The following DMAC2L variants were observed in gnomAD, a reference collection of about 807,000 sequenced individuals.
The protein encoded by DMAC2L is distal membrane arm assembly component 2 like, also known as ATP synthase subunit s, mitochondrial.
A neutral mutation model predicts 22.5 loss-of-function variants in DMAC2L; 21 were observed. The observed-to-expected ratio is 0.93, with a 90% CI of 0.66 to 1.34. The LOEUF (loss-of-function observed/expected upper bound fraction) is 1.34, where lower values mean the gene tolerates loss of function less well. DMAC2L is among the 40% of genes most tolerant of loss of function. The pLI is 0.00. For synonymous variants in DMAC2L, 86 were observed against 89.5 expected (o/e 0.96, Z 0.22); for missense variants, 239 against 246.5 (o/e 0.97, Z 0.20).
intron 2 of DMAC2L, among the ~76,000 whole-genome samples, chr14:50,316,676 T>C (rs1453753189): frequency 6.6e-6 from 1 of 152,198 alleles, no homozygotes; most frequent in Non-Finnish European, 1.5e-5. Flanking sequence ...TATATGTTTG[T>C]TTGTTTTGTT....
At chr14:50,325,010 A>AAG (rs2032605563) in intron 5 of DMAC2L, among the ~76,000 whole-genome samples, 1 of 152,142 alleles carries the variant, frequency 6.6e-6, no homozygotes, top group African/African-American at 2.4e-5. Flanking sequence ...TCCTGAACTC[A>AAG]TGATCCGCCC....
chr14:50,322,383 A>AATAG, intron 3 of DMAC2L, 128 bp from the exon 4 acceptor site: 1 of 995,868 alleles, frequency 1.0e-6, no homozygotes, highest in South Asian at 2.4e-5. Context: ...GGATCTCACT[A>AATAG]ATTTATCTTC....
chr14:50,315,810 A>T (rs2031747003), intron 2 of DMAC2L, among the ~76,000 whole-genome samples: 1 of 151,762 alleles, frequency 6.6e-6, no homozygotes, highest in Non-Finnish European at 1.5e-5. Context: ...TCATTGATTG[A>T]TGGGCATTTG....
intron 1 of DMAC2L, 73 bp downstream of exon 1, chr14:50,312,462 A>C (rs1457145786): frequency 2.2e-6 from 1 of 455,002 alleles, no homozygotes; most frequent in East Asian, 4.4e-5. Context: ...GCCCGTCGCC[A>C]ACGCTGGGCT....
chr14:50,325,639 TC>T lies in DMAC2L; in HGVS notation c.521del (p.Pro174LeufsTer3), dbSNP rs765080242. Reference sequence around the variant, plus strand: ...TCAAATATTTGTTGTTAAGTGATCTTCCTGGAGTAAGAGAAAAAGAAAATCT... The same window carrying T: ...TCAAATATTTGTTGTTAAGTGATCTTCTGGAGTAAGAGAAAAAGAAAATCT... ...NLKYLLLSDL[P>X]GVREKENLVQ... On this transcript the variant is annotated frameshift_variant, in exon 6 of 6. Transcript: ENST00000557421. LOFTEE classifies it high-confidence loss of function. The T allele has an allele frequency of 5.0e-6, 8 of 1,612,554 alleles. No individual in the cohort carries two copies. In the Admixed American group the frequency reaches 5.0e-5, roughly 10 times the overall value.
chr14:50,312,037 A>G (rs969933626), upstream of DMAC2L: 2 of 1,581,400 alleles, frequency 1.3e-6, no homozygotes, highest in Non-Finnish European at 1.7e-6. Context: ...GGCTACCTCC[A>G]CACAGCGGTC....
At chr14:50,313,907 C>T (rs767450775) in intron 1 of DMAC2L, among the ~76,000 whole-genome samples, 3 of 152,184 alleles carry the variant, frequency 2.0e-5, no homozygotes, top group South Asian at 2.1e-4. Flanking sequence ...CCCACCCAAT[C>T]TATTCTCTGT....
Position 50,325,628 on chromosome 14 carries a change from T to A in DMAC2L, c.508T>A (p.Leu170Ile), listed in dbSNP as rs780718974. ...RHLRNLKYLLLSDLPGVREKE... is the reference protein window; with the variant it reads ...RHLRNLKYLLISDLPGVREKE... The stretch of plus-strand genomic sequence containing the variant: ...TTGCAGAAACCTCAAATATTTGTTG[T>A]TAAGTGATCTTCCTGGAGTAAGAGA... The change falls in exon 6 of 6, where the codon TTA becomes ATA. Residue 170 changes from leucine (L) to isoleucine (I), a missense_variant. By Grantham distance (5) the Leu-to-Ile change is conservative (BLOSUM62 2). Coordinates refer to ENST00000557421, the MANE Select transcript of DMAC2L (RefSeq NM_001382507.1). 1.9e-6 allele frequency: 3 copies of A among 1,611,124 alleles called. No individual in the cohort carries two copies. The highest frequency in any genetic ancestry group is 2.5e-6 in the Non-Finnish European group (3 of 1,178,556).
At chr14:50,318,992 G>A (rs1312110795) in intron 2 of DMAC2L, 14 of 981,542 alleles carry the variant, frequency 1.4e-5, no homozygotes, top group Non-Finnish European at 1.7e-5. Flanking sequence ...ACTAAGTATA[G>A]CAGACATTCA....
At position 50,326,451 on chromosome 14, in the gene DMAC2L, C is replaced by T; in HGVS notation, c.*728C>T. The T allele has an allele frequency of 2.0e-6, 2 of 985,022 alleles. No individual in the cohort carries two copies. Among genetic ancestry groups the T allele is most frequent in the Non-Finnish European group, 2.4e-6 (2 of 829,684 alleles). The allele number at this position is 985,022 out of a possible 1,614,324, so 61.0% of individuals were successfully genotyped here. A position where few individuals can be genotyped will look rare whatever the true frequency, so the allele number is the denominator to read the frequency against. On this transcript the variant is annotated 3_prime_UTR_variant, in exon 6 of 6. Coordinates refer to ENST00000557421, the MANE Select transcript of DMAC2L (RefSeq NM_001382507.1). ...TTATGAAAAATTAGAAGCTAAATTA[C>T]AGATTCATTGATGGAGTCAATTATG... is the stretch of plus-strand genomic sequence containing the variant.
upstream of DMAC2L, chr14:50,312,230 C>T: frequency 6.4e-7 from 1 of 1,566,194 alleles, no homozygotes. Flanking sequence ...GCTCTTTAGC[C>T]CCGCCCCTCA....
In DMAC2L at chr14:50,316,411, A is replaced by ATTTATCTTTGTTTTTATTGCATTT. The variant is rs570494057; in HGVS notation, c.-6+1786_-6+1809dup. On this transcript the variant is annotated intron_variant, in intron 2 of 5. Coordinates refer to ENST00000557421, the MANE Select transcript of DMAC2L (RefSeq NM_001382507.1). ...ACGCAAAAGCTCTTTAGTCCCAACT[A>ATTTATCTTTGTTTTTATTGCATTT]TTTATCTTTGTTTTTATTGCATTTG... 5.9e-5 allele frequency among the ~76,000 whole-genome samples: 9 copies of ATTTATCTTTGTTTTTATTGCATTT among 152,126 alleles called. No homozygotes were observed. In the East Asian group the frequency reaches 1.7e-3, roughly 29 times the overall value.
Position 50,326,810 on chromosome 14 carries a change from G to C in DMAC2L, c.*1087G>C, listed in dbSNP as rs2032722416. 2.1e-6 allele frequency: 2 copies of C among 953,006 alleles called. No individual in the cohort carries two copies. Among genetic ancestry groups the C allele is most frequent in the Non-Finnish European group, 2.5e-6 (2 of 800,514 alleles). The allele number at this position is 953,006 out of a possible 1,614,324, so 59.0% of individuals were successfully genotyped here. A position where few individuals can be genotyped will look rare whatever the true frequency, so the allele number is the denominator to read the frequency against. On this transcript the variant is annotated 3_prime_UTR_variant, in exon 6 of 6. Transcript: ENST00000557421. ...AATCCCAGTGCTTTGGGAGGCTGAG[G>C]TGGGAGGATCACTTGAGACCAGGAG...
intron 5 of DMAC2L, among the ~76,000 whole-genome samples, chr14:50,325,149 CTTT>C (rs2032624328): frequency 6.6e-6 from 1 of 152,122 alleles, no homozygotes; most frequent in South Asian, 2.1e-4. Context: ...TGTAGTTCTG[CTTT>C]AATATATAAT....
chr14:50,324,623 T>A (rs1166701481), intron 5 of DMAC2L: 1 of 152,400 alleles, frequency 6.6e-6, no homozygotes, highest in Non-Finnish European at 1.5e-5. Context: ...TTCTACATCC[T>A]CTTGTGCCAC....
chr14:50,325,551 T>C, intron 5 of DMAC2L, 58 bp from the exon 6 acceptor site: 1 of 1,513,306 alleles, frequency 6.6e-7, no homozygotes, highest in South Asian at 1.2e-5. Context: ...AGTCAGTAAA[T>C]TGAATTTATT....
intron 1 of DMAC2L, among the ~76,000 whole-genome samples, 172 bp from the exon 2 acceptor site, chr14:50,314,419 C>T (rs965048204): frequency 6.6e-5 from 10 of 152,288 alleles, no homozygotes; most frequent in East Asian, 3.9e-4. Flanking sequence ...TTTTTCTTCT[C>T]GGTCTCGGGT....
intron 4 of DMAC2L, among the ~76,000 whole-genome samples, chr14:50,323,402 T>C (rs2032457830): frequency 6.9e-6 from 1 of 144,578 alleles, no homozygotes; most frequent in African/African-American, 2.6e-5. Context: ...TTTTTTTTTT[T>C]TTTTTTTTTG....
In DMAC2L at chr14:50,326,039, T is replaced by C; in HGVS notation, c.*316T>C. On this transcript the variant is annotated 3_prime_UTR_variant, in exon 6 of 6. Coordinates refer to ENST00000557421, the MANE Select transcript of DMAC2L (RefSeq NM_001382507.1). ...GAGGTCAGGAGTTCAAGACCAACCA[T>C]GGCCAACATGGTGAAACCCCATCTC... 6.0e-6 allele frequency: 3 copies of C among 500,718 alleles called. No homozygotes were observed. Among genetic ancestry groups the C allele is most frequent in the Non-Finnish European group, 7.8e-6 (3 of 382,172 alleles). 31.0% of individuals were successfully genotyped at this position (500,718 alleles called of 1,614,324 possible).
Sources: gnomAD v4.1 joint callset for allele counts (sites outside exome capture counted in the v4.1 genomes callset) on GRCh38, gnomAD v4.1.1 for gene constraint, MANE v1.5 for transcripts, NCBI Gene and HGNC (gene_info 2026-07-23, HGNC 2026-07-21) for gene names.